ZNF177: variants seen among roughly 807,000 people sequenced by gnomAD.
The protein encoded by ZNF177 is zinc finger protein 177.
Under a neutral mutation model 19.4 loss-of-function variants are expected in ZNF177, and 17 were observed. That is an observed-to-expected ratio of 0.87 (90% CI 0.60 to 1.31). ZNF177 has a LOEUF of 1.31. Among genes scored for constraint, ZNF177 ranks in the 40% most tolerant of loss-of-function variants. The pLI, the probability that ZNF177 is intolerant of heterozygous loss-of-function variation, is 0.00. For missense variants in ZNF177, 633 were observed against 561.8 expected (o/e 1.13, Z -1.28); for synonymous variants, 220 against 188.7 (o/e 1.17, Z -1.36).
At chr19:9,381,337 G>A (rs141985992) in exon 6 of ZNF177, 550 of 1,614,092 alleles carry the variant, frequency 3.4e-4, no homozygotes, top group Non-Finnish European at 4.3e-4. Context: ...AACTCACACT[G>A]GAGAGAAACC....
chr19:9,371,666 A>G (rs2068048985), upstream of ZNF177: 1 of 152,170 alleles, frequency 6.6e-6, no homozygotes, highest in Non-Finnish European at 1.5e-5. Context: ...ATCAAATACC[A>G]AGGAAGAAAA....
intron 2 of ZNF177, among the ~76,000 whole-genome samples, chr19:9,365,357 G>A (rs2067963131): frequency 6.6e-6 from 1 of 151,400 alleles, no homozygotes; most frequent in African/African-American, 2.4e-5. Context: ...AAGGGGTGGG[G>A]GCTTCTTGTC....
intron 2 of ZNF177, chr19:9,378,548 A>ATT: frequency 1.2e-6 from 1 of 823,324 alleles, no homozygotes; most frequent in Non-Finnish European, 1.9e-6. Flanking sequence ...ATTCTTCCAT[A>ATT]TTTTTGAGTA....
chr19:9,380,520 A>G lies in ZNF177; in HGVS notation c.337-148A>G, dbSNP rs1448398208. On this transcript the variant is annotated intron_variant, in intron 5 of 5. Transcript: ENST00000589262. Reference sequence around the variant, plus strand: ...TCAACTCGAAAAAGCTAATAGGGCAAAAGTCATACGCACCTACTGAAAATG... The same window carrying G: ...TCAACTCGAAAAAGCTAATAGGGCAGAAGTCATACGCACCTACTGAAAATG... The G allele has an allele frequency of 5.4e-6, 8 of 1,493,012 alleles. No homozygotes were observed. The African/African-American group carries it at 9.8e-5, about 18-fold the overall frequency. The allele number at this position is 1,493,012 out of a possible 1,614,324, so 92.5% of individuals were successfully genotyped here.
exon 6 of ZNF177, chr19:9,382,024 A>G (rs1455028367): frequency 1.3e-5 from 7 of 552,324 alleles, no homozygotes; most frequent in East Asian, 1.2e-4. Flanking sequence ...GTTTAATTGC[A>G]TTGTGAACAG....
intron 3 of ZNF177, 182 bp downstream of exon 5, chr19:9,379,270 C>A: frequency 8.5e-7 from 1 of 1,176,954 alleles, no homozygotes; most frequent in Non-Finnish European, 1.2e-6. Flanking sequence ...TTTTCTCTAT[C>A]ACTAATAGCT....
chr19:9,365,980 G>C (rs982174239), intron 2 of ZNF177, among the ~76,000 whole-genome samples: 7 of 152,102 alleles, frequency 4.6e-5, no homozygotes, highest in Non-Finnish European at 4.4e-5. Context: ...TCTCCCAAGG[G>C]AGGTCCCCAG....
intron 4 of ZNF177, among the ~76,000 whole-genome samples, 181 bp from the exon 7 acceptor site, chr19:9,379,876 A>G (rs1227634587): frequency 2.6e-5 from 4 of 151,944 alleles, no homozygotes; most frequent in Admixed American, 6.6e-5. Context: ...CTTTCTAACT[A>G]AAATACCTCC....
At chr19:9,381,430 C>G in exon 6 of ZNF177, 1 of 1,611,474 alleles carries the variant, frequency 6.2e-7, no homozygotes, top group Non-Finnish European at 8.5e-7. Flanking sequence ...TGGAGAGAAA[C>G]CCTATGAATG....
chr19:9,381,027 TG>T lies in ZNF177; in HGVS notation c.697del (p.Glu233AsnfsTer71). 1 of 1,595,778 alleles carries T rather than the reference TG, an allele frequency of 6.3e-7. No homozygotes were observed. The highest frequency in any genetic ancestry group is 8.5e-7 in the Non-Finnish European group (1 of 1,176,780). On this transcript the variant is annotated frameshift_variant, in exon 6 of 6. Coordinates refer to ENST00000589262, the Ensembl canonical transcript of ZNF177. LOFTEE classifies it low-confidence loss of function (END_TRUNC). ...AAATACCTACTGGAGAGAAAGGTGA[TG>T]AATGCAGTGACTATGGCAAAATATC...
At chr19:9,380,734 C>A (rs774836966) in exon 6 of ZNF177, 2 of 1,535,872 alleles carry the variant, frequency 1.3e-6, no homozygotes, top group South Asian at 1.2e-5. Context: ...AAAGAACACT[C>A]GCTTTATTTG....
chr19:9,375,842 A>T (rs2068102295), upstream of ZNF177, among the ~76,000 whole-genome samples: 1 of 151,116 alleles, frequency 6.6e-6, no homozygotes, highest in African/African-American at 2.4e-5. Flanking sequence ...CTTTATTATT[A>T]TTTCCTTCCT....
downstream of ZNF177, chr19:9,382,561 T>C (rs2068217695): frequency 7.6e-6 from 3 of 395,846 alleles, no homozygotes; most frequent in Non-Finnish European, 1.3e-5. Context: ...CTCTTTCAGC[T>C]GATTTCAGTC....
intron 2 of ZNF177, among the ~76,000 whole-genome samples, chr19:9,366,310 TTCTC>T (rs996240905): frequency 2.6e-5 from 4 of 152,090 alleles, no homozygotes; most frequent in Non-Finnish European, 5.9e-5. Context: ...GACAAGGTCT[TTCTC>T]TGTCACCCAG....
At chr19:9,369,488 G>A (rs2068020901) in intron 2 of ZNF177, among the ~76,000 whole-genome samples, 1 of 152,008 alleles carries the variant, frequency 6.6e-6, no homozygotes, top group South Asian at 2.1e-4. Flanking sequence ...ATGTGTTGTT[G>A]TGGATTTTAG....
chr19:9,371,720 C>CT (rs1400672646), upstream of ZNF177: 1 of 152,056 alleles, frequency 6.6e-6, no homozygotes, highest in Admixed American at 6.6e-5. Flanking sequence ...ATGTATTCAG[C>CT]TTGGGGGCTT....
In ZNF177 at chr19:9,380,665, CA is replaced by C; in HGVS notation, c.337-2del. 1 of 1,535,616 alleles carries C rather than the reference CA, an allele frequency of 6.5e-7. No homozygotes were observed. The highest frequency in any genetic ancestry group is 8.7e-7 in the Non-Finnish European group (1 of 1,146,738). On this transcript the variant is annotated splice_acceptor_variant, in intron 5 of 5. Transcript: ENST00000589262. LOFTEE classifies it high-confidence loss of function. ...TAGTCACCACTTACTCCCTTTTCAA[CA>C]GGCAGAAAATCAACCTGGTGAGCAC...
chr19:9,367,250 G>A (rs1272466829), intron 2 of ZNF177, among the ~76,000 whole-genome samples: 1 of 152,068 alleles, frequency 6.6e-6, no homozygotes, highest in Non-Finnish European at 1.5e-5. Flanking sequence ...AACCTGGCGA[G>A]GTTGCAGTGA....
In ZNF177 at chr19:9,380,546, GTACACATGTCAGTCATGATCA is replaced by G. The variant is rs752091346; in HGVS notation, c.337-120_337-100del. On this transcript the variant is annotated intron_variant, in intron 5 of 5. Transcript: ENST00000589262. ...AAGTCATACGCACCTACTGAAAATG[GTACACATGTCAGTCATGATCA>G]TGTGCTTCCTATATATGGCAGAATC... 6 of 1,527,694 alleles carry G rather than the reference GTACACATGTCAGTCATGATCA, an allele frequency of 3.9e-6. No individual in the cohort carries two copies. The South Asian group carries it at 4.8e-5, about 12-fold the overall frequency. The allele number at this position is 1,527,694 out of a possible 1,614,324, so 94.6% of individuals were successfully genotyped here. A position where few individuals can be genotyped will look rare whatever the true frequency, so the allele number is the denominator to read the frequency against.
Sources: allele counts gnomAD v4.1 joint callset (sites outside exome capture counted in the v4.1 genomes callset), GRCh38; gene constraint gnomAD v4.1.1; transcripts MANE v1.5; gene names NCBI Gene and HGNC (gene_info 2026-07-23, HGNC 2026-07-21).